RMDN2: variants seen among roughly 807,000 people sequenced by gnomAD.
RMDN2 encodes regulator of microtubule dynamics 2.
RMDN2 carries 61 observed loss-of-function variants against 52.8 expected under a neutral mutation model. That is an observed-to-expected ratio of 1.16 (90% CI 0.94 to 1.43). The LOEUF (loss-of-function observed/expected upper bound fraction) is 1.43. Ranked by LOEUF, RMDN2 falls within the 40% of genes most tolerant of loss-of-function variation. The pLI is 0.00. For missense variants in RMDN2, 592 were observed against 475.3 expected (o/e 1.25, Z -2.28); for synonymous variants, 180 against 153.1 (o/e 1.18, Z -1.30).
At chr2:37,943,815 T>G (rs1454455642) in intron 2 of RMDN2, among the ~76,000 whole-genome samples, 1 of 152,208 alleles carries the variant, frequency 6.6e-6, no homozygotes, top group Non-Finnish European at 1.5e-5. Context: ...TTAGGCTATG[T>G]GTTAATTGAG....
chr2:38,009,404 C>A (rs1031664680), intron 10 of RMDN2, among the ~76,000 whole-genome samples: 2 of 152,118 alleles, frequency 1.3e-5, no homozygotes, highest in African/African-American at 4.8e-5. Flanking sequence ...AGGCTTTGTT[C>A]GTTTCTTTTT....
chr2:38,046,555 G>A (rs921477205), intron 10 of RMDN2, among the ~76,000 whole-genome samples: 8 of 151,990 alleles, frequency 5.3e-5, no homozygotes, highest in African/African-American at 1.9e-4. Flanking sequence ...ACATCTAAGA[G>A]ACCCACATGC....
chr2:37,960,056 T>C (rs1669998507), intron 2 of RMDN2, among the ~76,000 whole-genome samples: 1 of 152,208 alleles, frequency 6.6e-6, no homozygotes, highest in Non-Finnish European at 1.5e-5. Context: ...AGTGTTTTAC[T>C]TCCAATTATG....
intron 10 of RMDN2, among the ~76,000 whole-genome samples, chr2:38,055,680 G>A (rs910215752): frequency 2.0e-5 from 3 of 152,036 alleles, no homozygotes; most frequent in African/African-American, 7.2e-5. Flanking sequence ...AATAGCATTC[G>A]ACAGAGGAGG....
chr2:38,055,216 C>T (rs1681812170), intron 10 of RMDN2, among the ~76,000 whole-genome samples: 1 of 151,902 alleles, frequency 6.6e-6, no homozygotes, highest in Non-Finnish European at 1.5e-5. Flanking sequence ...TCCCTCTAAG[C>T]CATTGTCACA....
intron 10 of RMDN2, among the ~76,000 whole-genome samples, chr2:38,041,760 T>G (rs145743452): frequency 6.6e-6 from 1 of 152,332 alleles, no homozygotes; most frequent in East Asian, 1.9e-4. Context: ...TAATTAATTT[T>G]CAAATGTAGA....
intron 2 of RMDN2, chr2:37,952,239 C>T (rs1202950129): frequency 3.1e-6 from 5 of 1,599,194 alleles, no homozygotes; most frequent in Non-Finnish European, 4.3e-6. Context: ...AAGGGCACCT[C>T]AAATAGTTTT....
intron 10 of RMDN2, among the ~76,000 whole-genome samples, chr2:38,051,895 C>A (rs578026989): frequency 6.6e-6 from 1 of 152,136 alleles, no homozygotes; most frequent in South Asian, 2.1e-4. Flanking sequence ...TGGGTATATA[C>A]CACACTTTTT....
chr2:37,979,319 G>C (rs1298664679), intron 4 of RMDN2, among the ~76,000 whole-genome samples: 1 of 152,066 alleles, frequency 6.6e-6, no homozygotes, highest in African/African-American at 2.4e-5. Flanking sequence ...GATAATAAAG[G>C]GACAGCCAAT....
chr2:37,986,188 T>C (rs986946159), intron 5 of RMDN2, among the ~76,000 whole-genome samples: 7 of 152,190 alleles, frequency 4.6e-5, no homozygotes, highest in African/African-American at 1.7e-4. Flanking sequence ...ATTAGAATTG[T>C]TCCCCAAACT....
chr2:38,051,597 C>T (rs1681603085), intron 10 of RMDN2, among the ~76,000 whole-genome samples: 1 of 152,156 alleles, frequency 6.6e-6, no homozygotes, highest in Non-Finnish European at 1.5e-5. Flanking sequence ...TATACTCACC[C>T]TTCTGTTTTC....
intron 10 of RMDN2, among the ~76,000 whole-genome samples, chr2:38,045,638 A>G (rs1002649165): frequency 7.4e-6 from 1 of 135,094 alleles, no homozygotes; most frequent in Admixed American, 7.6e-5. Flanking sequence ...GATCAAATAC[A>G]TAAAAAAATT....
At chr2:37,939,118 A>G (rs1342313116) in intron 2 of RMDN2, among the ~76,000 whole-genome samples, 1 of 152,186 alleles carries the variant, frequency 6.6e-6, no homozygotes, top group African/African-American at 2.4e-5. Flanking sequence ...TCGGTTTCAA[A>G]TAACTTATTT....
At chr2:38,064,127 G>A (rs1329479900) in intron 10 of RMDN2, among the ~76,000 whole-genome samples, 1 of 152,168 alleles carries the variant, frequency 6.6e-6, no homozygotes, top group African/African-American at 2.4e-5. Flanking sequence ...CATTGAGTTG[G>A]CATTTCTGCT....
chr2:37,974,906 C>A, intron 3 of RMDN2: 1 of 269,424 alleles, frequency 3.7e-6, no homozygotes, highest in Non-Finnish European at 6.9e-6. Context: ...AAAAGGATGC[C>A]ACAGCTCAGG....
chr2:37,966,404 G>T (rs972344853), intron 2 of RMDN2, among the ~76,000 whole-genome samples: 1 of 151,174 alleles, frequency 6.6e-6, no homozygotes, highest in Admixed American at 6.6e-5. Flanking sequence ...GCAACAGAGT[G>T]AGGCTCTGTC....
chr2:37,994,125 A>G (rs1355601372), intron 7 of RMDN2, among the ~76,000 whole-genome samples: 6 of 152,252 alleles, frequency 3.9e-5, no homozygotes, highest in Non-Finnish European at 5.9e-5. Flanking sequence ...ATTATAGACT[A>G]TACAAGGAAA....
chr2:37,977,591 C>T (rs1170864688), intron 4 of RMDN2, among the ~76,000 whole-genome samples: 3 of 151,936 alleles, frequency 2.0e-5, no homozygotes. Flanking sequence ...CGGAGGGGCT[C>T]CTCACTTCTC....
chr2:37,963,984 G>T (rs1163524518), intron 2 of RMDN2, among the ~76,000 whole-genome samples: 1 of 151,072 alleles, frequency 6.6e-6, no homozygotes, highest in East Asian at 2.0e-4. Flanking sequence ...CTGGCCGGGC[G>T]GGGGCTGCCC....
Sources: gnomAD v4.1 joint callset for allele counts (sites outside exome capture counted in the v4.1 genomes callset) on GRCh38, gnomAD v4.1.1 for gene constraint, MANE v1.5 for transcripts, NCBI Gene and HGNC (gene_info 2026-07-23, HGNC 2026-07-21) for gene names.